The following RASGRF2 variants were observed in gnomAD, a reference collection of about 807,000 sequenced individuals.
RASGRF2 encodes the protein ras-specific guanine nucleotide-releasing factor 2.
In RASGRF2, 76 loss-of-function variants were observed where a neutral mutation model predicts 151.0. The ratio of observed to expected loss-of-function variants is 0.50; its 90% CI spans 0.42 to 0.61. The LOEUF is 0.61. Among genes scored for constraint, RASGRF2 ranks in the 20% least tolerant of loss-of-function variants. RASGRF2 has a pLI of 0.00. For synonymous variants in RASGRF2, 504 were observed against 566.5 expected, an observed-to-expected ratio of 0.89 and a Z score of 1.57; for missense variants, 1,148 against 1,564.6, an observed-to-expected ratio of 0.73 and a Z score of 4.49.
chr5:80,966,536 T>C (rs1233058147), intron 1 of RASGRF2, among the ~76,000 whole-genome samples: 1 of 152,214 alleles, frequency 6.6e-6, no homozygotes, highest in African/African-American at 2.4e-5. Context: ...GGTGCAACTT[T>C]TAAATTTTAG....
intron 17 of RASGRF2, among the ~76,000 whole-genome samples, chr5:81,162,586 T>C (rs1248558035): frequency 6.6e-6 from 1 of 151,644 alleles, no homozygotes; most frequent in Non-Finnish European, 1.5e-5. Flanking sequence ...CACCTCGTGA[T>C]CCACCTGCCT....
intron 2 of RASGRF2, among the ~76,000 whole-genome samples, chr5:81,061,596 A>T (rs252588): frequency 1.1e-4 from 17 of 151,354 alleles, no homozygotes; most frequent in Middle Eastern, 3.4e-3. Flanking sequence ...CAGCTTCAAA[A>T]TCCTGGGCTC....
In RASGRF2 at chr5:81,113,713, A is replaced by T; in HGVS notation, c.2263A>T (p.Ile755Leu). 2 of 1,613,838 alleles carry T rather than the reference A, an allele frequency of 1.2e-6. No individual in the cohort carries two copies. Among genetic ancestry groups the T allele is most frequent in the Non-Finnish European group, 8.5e-7 (1 of 1,179,714 alleles). The stretch of plus-strand genomic sequence containing the variant: ...TTTGACTTCTCCCTTGAACTCAAAG[A>T]TAGGAGCATTGGACCTGACAACTTC... ...LSLTSPLNSK[I>L]GALDLTTSSS... The change falls in exon 15 of 27, where the codon ATA becomes TTA. Residue 755 changes from isoleucine to leucine, a missense_variant. Physicochemically the swap from Ile to Leu is conservative, Grantham distance 5. Around this residue, in one of 5 missense-constraint regions of RASGRF2, gnomAD observed 646 missense variants for 807.4 expected, o/e 0.80. Transcript: ENST00000265080.
chr5:81,172,148 A>G (rs2112660475), intron 17 of RASGRF2, among the ~76,000 whole-genome samples: 1 of 152,254 alleles, frequency 6.6e-6, no homozygotes, highest in Non-Finnish European at 1.5e-5. Context: ...TTCCTCATCT[A>G]TAAAAACAAG....
chr5:80,966,111 G>A (rs989745654), intron 1 of RASGRF2, among the ~76,000 whole-genome samples: 7 of 143,602 alleles, frequency 4.9e-5, no homozygotes, highest in Non-Finnish European at 1.5e-5. Flanking sequence ...GTGTGTGTAT[G>A]TGTGTGTGTG....
At chr5:81,042,826 G>A in intron 1 of RASGRF2, 51 bp from the exon 2 acceptor site, 2 of 1,308,090 alleles carry the variant, frequency 1.5e-6, no homozygotes, top group East Asian at 2.4e-5. Flanking sequence ...TTATTATGCT[G>A]TTGTGCTTGA....
chr5:81,116,681 C>T (rs1409133135), intron 15 of RASGRF2, among the ~76,000 whole-genome samples: 3 of 152,126 alleles, frequency 2.0e-5, no homozygotes, highest in Admixed American at 6.5e-5. Context: ...TTGAATAATA[C>T]CCCATTTTCT....
intron 2 of RASGRF2, among the ~76,000 whole-genome samples, chr5:81,065,879 T>C (rs26902): frequency 0.66 from 100,761 of 151,986 alleles, 34,500 homozygotes; most frequent in Non-Finnish European, 0.76. Context: ...CATGCTCTTA[T>C]GGTTTCATTC....
intron 17 of RASGRF2, among the ~76,000 whole-genome samples, chr5:81,137,374 G>T (rs1465220891): frequency 6.6e-6 from 1 of 152,138 alleles, no homozygotes; most frequent in Non-Finnish European, 1.5e-5. Flanking sequence ...GGTTTATTGG[G>T]ATGTAACTCA....
chr5:81,202,424 A>C (rs778178111), intron 19 of RASGRF2, among the ~76,000 whole-genome samples: 69 of 152,126 alleles, frequency 4.5e-4, no homozygotes, highest in Non-Finnish European at 9.0e-4. Context: ...AGCTCAGTCC[A>C]TGTTTTTGCA....
chr5:81,178,478 T>G (rs1224626191), intron 17 of RASGRF2, among the ~76,000 whole-genome samples: 1 of 152,194 alleles, frequency 6.6e-6, no homozygotes, highest in Non-Finnish European at 1.5e-5. Context: ...GACAATTGGA[T>G]ATTGCGTATA....
chr5:81,014,723 T>C (rs945026091), intron 1 of RASGRF2, among the ~76,000 whole-genome samples: 2 of 152,184 alleles, frequency 1.3e-5, no homozygotes, highest in Non-Finnish European at 2.9e-5. Flanking sequence ...CTGAAAATAT[T>C]CTTAGGGAGC....
intron 1 of RASGRF2, among the ~76,000 whole-genome samples, chr5:81,000,916 C>T (rs183467820): frequency 9.7e-4 from 148 of 152,330 alleles, no homozygotes; most frequent in African/African-American, 3.3e-3. Flanking sequence ...AAGACATGTT[C>T]TTAAAAAATA....
intron 15 of RASGRF2, among the ~76,000 whole-genome samples, chr5:81,121,273 A>G (rs1199209430): frequency 1.3e-5 from 2 of 152,232 alleles, no homozygotes; most frequent in Non-Finnish European, 2.9e-5. Flanking sequence ...AAACTTGAAT[A>G]TGAATCCCGT....
At chr5:80,962,235 A>T (rs954154326) in intron 1 of RASGRF2, among the ~76,000 whole-genome samples, 1 of 152,262 alleles carries the variant, frequency 6.6e-6, no homozygotes, top group Admixed American at 6.5e-5. Context: ...TATAAATCTG[A>T]AAGTTTAAAT....
chr5:81,131,912 T>G (rs1459678494), intron 17 of RASGRF2, among the ~76,000 whole-genome samples: 1 of 152,226 alleles, frequency 6.6e-6, no homozygotes, highest in Non-Finnish European at 1.5e-5. Context: ...AGGATTGTAG[T>G]GTTGTGCTTT....
chr5:81,060,595 T>C (rs1011187654), intron 2 of RASGRF2, among the ~76,000 whole-genome samples: 4 of 152,202 alleles, frequency 2.6e-5, no homozygotes, highest in Non-Finnish European at 4.4e-5. Context: ...TTTTTCCTAC[T>C]GTGTTTACTC....
chr5:81,102,721 C>A (rs983852499), intron 12 of RASGRF2, among the ~76,000 whole-genome samples: 1 of 151,274 alleles, frequency 6.6e-6, no homozygotes, highest in South Asian at 2.1e-4. Flanking sequence ...AAGAATGTGT[C>A]TGTGGCCTAC....
At chr5:81,126,454 A>G (rs781691256) in intron 16 of RASGRF2, among the ~76,000 whole-genome samples, 20 of 152,160 alleles carry the variant, frequency 1.3e-4, no homozygotes, top group Admixed American at 9.8e-4. Flanking sequence ...TATATTCACA[A>G]GTTCAGGCAG....
Sources: allele counts gnomAD v4.1 joint callset (sites outside exome capture counted in the v4.1 genomes callset), GRCh38; gene constraint gnomAD v4.1.1; regional missense constraint gnomAD v4.1.1; transcripts MANE v1.5; gene names NCBI Gene and HGNC (gene_info 2026-07-23, HGNC 2026-07-21).